The following CABLES1 variants were observed in gnomAD, a reference collection of about 807,000 sequenced individuals.
CABLES1 encodes the protein CDK5 and ABL1 enzyme substrate 1.
Under a neutral mutation model 57.8 loss-of-function variants are expected in CABLES1, and 36 were observed. The observed-to-expected ratio is 0.62, with a 90% CI of 0.48 to 0.82. CABLES1 has a LOEUF of 0.82. Ranked by LOEUF, CABLES1 falls within the 40% of genes least tolerant of loss-of-function variation. The probability of loss-of-function intolerance (pLI) is 0.00; values close to 1 mark genes in which losing one functional copy is unlikely to be tolerated. For missense variants in CABLES1, 767 were observed against 836.6 expected (o/e 0.92, Z 1.03); for synonymous variants, 374 against 363.0 (o/e 1.03, Z -0.35).
intron 7 of CABLES1, among the ~76,000 whole-genome samples, chr18:23,246,688 G>T (rs1314954493): frequency 2.0e-5 from 3 of 151,228 alleles, no homozygotes; most frequent in Non-Finnish European, 4.4e-5. Context: ...ACCGCACCCG[G>T]CCAGTTTTTT....
chr18:23,174,398 T>G (rs1290580677), intron 1 of CABLES1, among the ~76,000 whole-genome samples: 2 of 152,202 alleles, frequency 1.3e-5, no homozygotes, highest in Non-Finnish European at 2.9e-5. Context: ...TATGTCTTTG[T>G]GTGGATGTAT....
intron 1 of CABLES1, among the ~76,000 whole-genome samples, chr18:23,171,092 G>A (rs1432683737): frequency 6.6e-6 from 1 of 152,208 alleles, no homozygotes; most frequent in Non-Finnish European, 1.5e-5. Context: ...CACTGCGCCC[G>A]GCCTGTTCTT....
chr18:23,182,318 T>C (rs1297508005), intron 1 of CABLES1, among the ~76,000 whole-genome samples: 1 of 152,226 alleles, frequency 6.6e-6, no homozygotes, highest in East Asian at 1.9e-4. Flanking sequence ...AAGTTCCTCA[T>C]TCAAGGATAA....
In CABLES1 at chr18:23,136,278, C is replaced by T. The variant is rs1218212082; in HGVS notation, c.516C>T (p.Ala172=). ...GGGGGTTCGCGAGTCCCCTGGGCGC[C>T]GGCCGGGCGTCGGGGGAGCAGTGGC... ...VARGFASPLG[A]GRASGEQWQP... The change falls in exon 1 of 10, where the codon GCC becomes GCT. Residue 172 remains alanine, a synonymous_variant. Coordinates refer to ENST00000256925, the MANE Select transcript of CABLES1 (RefSeq NM_001100619.3). 4.4e-6 allele frequency: 6 copies of T among 1,362,686 alleles called. No homozygotes were observed. The African/African-American group carries it at 7.7e-5, about 18-fold the overall frequency. 84.4% of individuals were successfully genotyped at this position (1,362,686 alleles called of 1,614,324 possible). A position where few individuals can be genotyped will look rare whatever the true frequency, so the allele number is the denominator to read the frequency against.
At chr18:23,147,167 T>C (rs1401501069) in intron 1 of CABLES1, among the ~76,000 whole-genome samples, 1 of 152,224 alleles carries the variant, frequency 6.6e-6, no homozygotes, top group East Asian at 1.9e-4. Flanking sequence ...ATAATATTAA[T>C]AGCTTGGTAT....
intron 1 of CABLES1, among the ~76,000 whole-genome samples, chr18:23,176,530 G>T (rs1342827651): frequency 1.3e-5 from 2 of 152,090 alleles, no homozygotes; most frequent in Non-Finnish European, 2.9e-5. Flanking sequence ...TTATTTGGAG[G>T]CCGTCAATTT....
chr18:23,232,171 TCTC>T (rs1473177224), intron 4 of CABLES1, among the ~76,000 whole-genome samples: 1 of 152,262 alleles, frequency 6.6e-6, no homozygotes, highest in East Asian at 1.9e-4. Context: ...TTATTGGAAT[TCTC>T]CTTATTTCCC....
rs556575322 is a variant in CABLES1, at chr18:23,193,469, G to A, written c.918-979G>A. Among the ~76,000 whole-genome samples, 6 of 91,200 alleles carry A rather than the reference G, an allele frequency of 6.6e-5. No individual in the cohort carries two copies. In the South Asian group the frequency reaches 2.4e-3, roughly 37 times the overall value. The allele number at this position is 91,200 out of a possible 152,430, so 59.8% of individuals were successfully genotyped here. ...GGCCTCCCAAAGTGCTGTGATTACA[G>A]GCGTGAGCCACCACGCCCCAGCCCA... On this transcript the variant is annotated intron_variant, in intron 2 of 9. Transcript: ENST00000256925.
Position 23,135,835 on chromosome 18 carries a change from G to A in CABLES1, c.73G>A (p.Ala25Thr). The A allele has an allele frequency of 1.0e-6, 1 of 978,584 alleles. No homozygotes were observed. Among genetic ancestry groups the A allele is most frequent in the Non-Finnish European group, 1.2e-6 (1 of 822,210 alleles). 60.6% of individuals were successfully genotyped at this position (978,584 alleles called of 1,614,324 possible). The change falls in exon 1 of 10, where the codon GCC becomes ACC. Residue 25 changes from alanine (A) to threonine (T), a missense_variant. Coordinates refer to ENST00000256925, the MANE Select transcript of CABLES1 (RefSeq NM_001100619.3). The stretch of plus-strand genomic sequence containing the variant: ...CAGCGCCGGCACCGACGCCGCGGGC[G>A]CCAGCGGATTGCAGCAGCCGCCGCC... ...SGSAGTDAAGASGLQQPPPQP... is the reference protein window; with the variant it reads ...SGSAGTDAAGTSGLQQPPPQP...
chr18:23,217,975 C>A (rs2047454635), intron 4 of CABLES1, among the ~76,000 whole-genome samples: 1 of 152,254 alleles, frequency 6.6e-6, no homozygotes, highest in African/African-American at 2.4e-5. Flanking sequence ...CCGGGCCATG[C>A]TTTCTGGCCT....
rs1360487997 is a variant in CABLES1 at position 23,161,752 on chromosome 18, TCC to T, written c.845+25146_845+25147del. Among the ~76,000 whole-genome samples the T allele has an allele frequency of 3.1e-3, 72 of 23,408 alleles. 6 individuals carry two copies. The highest frequency in any genetic ancestry group is 6.8e-3 in the African/African-American group (54 of 7,958). The allele number at this position is 23,408 out of a possible 152,430, so 15.4% of individuals were successfully genotyped here. On this transcript the variant is annotated intron_variant, in intron 1 of 9. Transcript: ENST00000256925. Reference sequence around the variant, plus strand: ...GGTGAAACCCCGTCTCTACTAAAAATCCAAAAAAAAAAAAAAAAAAAAAGCCA... The same window carrying T: ...GGTGAAACCCCGTCTCTACTAAAAATAAAAAAAAAAAAAAAAAAAAAGCCA...
intron 1 of CABLES1, among the ~76,000 whole-genome samples, chr18:23,152,897 G>A (rs147958689): frequency 0.027 from 4,108 of 151,124 alleles, 136 homozygotes; most frequent in African/African-American, 0.079. Context: ...CACCTCCCGG[G>A]TTCAAATGAC....
chr18:23,161,444 T>G (rs903114644), intron 1 of CABLES1, among the ~76,000 whole-genome samples: 2 of 151,294 alleles, frequency 1.3e-5, no homozygotes, highest in African/African-American at 4.9e-5. Flanking sequence ...TTTGGTGCAC[T>G]GACTCCCAGG....
chr18:23,135,881 C>A lies in CABLES1; in HGVS notation c.119C>A (p.Ala40Glu). Reference protein sequence around the residue: ...QPPPQPQPQPAAAAPAQPPPE... With the variant: ...QPPPQPQPQPEAAAPAQPPPE... ...CCGCCGCAGCCCCAGCCTCAGCCCG[C>A]GGCCGCCGCGCCGGCCCAGCCGCCG... is the stretch of plus-strand genomic sequence containing the variant. The change falls in exon 1 of 10, where the codon GCG (alanine) becomes GAG (glutamate). Residue 40 changes from alanine to glutamate, a missense_variant. Ala to Glu is a moderately radical substitution (Grantham distance 107, BLOSUM62 -1). This residue lies in a region of CABLES1 where 198 missense variants were observed against 149.7 expected (regional missense o/e 1.32). Coordinates refer to ENST00000256925, the MANE Select transcript of CABLES1 (RefSeq NM_001100619.3). The A allele has an allele frequency of 5.7e-6, 6 of 1,045,432 alleles. No individual in the cohort carries two copies. The highest frequency in any genetic ancestry group is 6.9e-6 in the Non-Finnish European group (6 of 872,328). The allele number at this position is 1,045,432 out of a possible 1,614,324, so 64.8% of individuals were successfully genotyped here.
chr18:23,223,009 G>A (rs891378188), intron 4 of CABLES1, among the ~76,000 whole-genome samples: 3 of 152,170 alleles, frequency 2.0e-5, no homozygotes, highest in African/African-American at 7.2e-5. Context: ...CTCCGATCAC[G>A]AGTGCTCTGC....
At chr18:23,202,984 CAAAAAAAAA>C (rs34495738) in intron 3 of CABLES1, among the ~76,000 whole-genome samples, 2 of 115,338 alleles carry the variant, frequency 1.7e-5, no homozygotes, top group African/African-American at 6.1e-5. Context: ...AAGACTCCAT[CAAAAAAAAA>C]AAAAAAAGAC....
intron 9 of CABLES1, among the ~76,000 whole-genome samples, chr18:23,255,768 C>T (rs949475380): frequency 4.0e-5 from 6 of 151,870 alleles, no homozygotes; most frequent in Non-Finnish European, 5.9e-5. Context: ...GCTGTATTGC[C>T]CAGGCTAGTC....
At chr18:23,150,517 G>A (rs746421547) in intron 1 of CABLES1, among the ~76,000 whole-genome samples, 39 of 152,034 alleles carry the variant, frequency 2.6e-4, no homozygotes, top group Non-Finnish European at 5.1e-4. Flanking sequence ...CGCCCAGCCA[G>A]GTCGTAGTAG....
Position 23,257,325 on chromosome 18 carries a change from C to T in CABLES1, c.1860C>T (p.His620=), listed in dbSNP as rs777583651. Residue 620 remains histidine, a synonymous_variant, in exon 10 of 10, where the codon CAC becomes CAT. Transcript: ENST00000256925. ...ALEFALHLPE[H]EVMPHYRRLV... The stretch of plus-strand genomic sequence containing the variant: ...AATTCGCCCTCCACTTGCCCGAGCA[C>T]GAAGTCATGCCCCACTACAGACGGC... The T allele has an allele frequency of 1.8e-5, 29 of 1,613,748 alleles. No individual in the cohort carries two copies. The highest frequency in any genetic ancestry group is 8.9e-5 in the East Asian group (4 of 44,874).
Sources: gnomAD v4.1 joint callset for allele counts (sites outside exome capture counted in the v4.1 genomes callset) on GRCh38, gnomAD v4.1.1 for gene constraint, gnomAD v4.1.1 regional missense constraint, MANE v1.5 for transcripts, NCBI Gene and HGNC (gene_info 2026-07-23, HGNC 2026-07-21) for gene names.